The following ECI2 variants were observed in gnomAD, a reference collection of about 807,000 sequenced individuals.
ECI2 encodes D3,D2-enoyl-CoA isomerase.
ECI2 carries 27 observed loss-of-function variants against 38.4 expected under a neutral mutation model. The ratio of observed to expected loss-of-function variants is 0.70; its 90% confidence interval spans 0.52 to 0.97. ECI2 has a LOEUF of 0.97. Ranked by LOEUF, ECI2 falls within the 50% of genes least tolerant of loss-of-function variation. The pLI is 0.00. For synonymous variants in ECI2, 168 were observed against 172.0 expected, an observed-to-expected ratio of 0.98 and a Z score of 0.18; for missense variants, 470 against 474.4, an observed-to-expected ratio of 0.99 and a Z score of 0.09.
chr6:4,124,926 A>T (rs941100716), intron 7 of ECI2: 4 of 452,754 alleles, frequency 8.8e-6, no homozygotes, highest in African/African-American at 7.9e-5. Flanking sequence ...ACCTGCAAAG[A>T]TGCTATTCCT....
Position 4,133,717 on chromosome 6 carries a change from A to C in ECI2, c.51-6T>G. 5 of 1,588,702 alleles carry C rather than the reference A, an allele frequency of 3.1e-6. No individual in the cohort carries two copies. In the African/African-American group the frequency reaches 5.4e-5, roughly 17 times the overall value. The stretch of plus-strand genomic sequence containing the variant: ...AACTAGTGACCTGCAGAGAACTACA[A>C]TTAGGCAGACTGATTTCTATTTGTT... On this transcript the variant is annotated splice_polypyrimidine_tract_variant and splice_region_variant and intron_variant, in intron 1 of 9. Coordinates refer to ENST00000380118, the MANE Select transcript of ECI2 (RefSeq NM_206836.3).
intron 7 of ECI2, among the ~76,000 whole-genome samples, chr6:4,122,647 C>A (rs936481155): frequency 5.3e-5 from 8 of 152,040 alleles, no homozygotes; most frequent in African/African-American, 1.9e-4. Flanking sequence ...AGGCGCCTGC[C>A]ACCACACCTG....
chr6:4,119,253 CT>C lies in ECI2; in HGVS notation c.817del (p.Ser273ValfsTer3). On this transcript the variant is annotated frameshift_variant, in exon 8 of 10. Coordinates refer to ENST00000380118, the MANE Select transcript of ECI2 (RefSeq NM_206836.3). LOFTEE classifies it high-confidence loss of function. Reference protein sequence around the residue: ...SDRATFHTPFSHLGQSPEGCS... With the variant: ...SDRATFHTPFXHLGQSPEGCS... Reference sequence around the variant, plus strand: ...TCCTTCCGGACTTTGGCCTAGGTGACTAAATGGTGTATGAAATGTTGCCTGC... The same window carrying C: ...TCCTTCCGGACTTTGGCCTAGGTGACAAATGGTGTATGAAATGTTGCCTGC... The C allele has an allele frequency of 6.2e-7, 1 of 1,612,878 alleles. No individual in the cohort carries two copies. The highest frequency in any genetic ancestry group is 8.5e-7 in the Non-Finnish European group (1 of 1,179,578).
Position 4,121,059 on chromosome 6 carries a change from A to G in ECI2, c.796-1784T>C, listed in dbSNP as rs573455279. On this transcript the variant is annotated intron_variant, in intron 7 of 9. Transcript: ENST00000380118. ...TTTTCTAGAGTGGTTGTACCATTTG[A>G]CATTCCCACCAGCAATGTATGAAAG... Among the ~76,000 whole-genome samples, 5 of 152,292 alleles carry G rather than the reference A, an allele frequency of 3.3e-5. No homozygotes were observed. The East Asian group carries it at 7.7e-4, about 24-fold the overall frequency.
At chr6:4,123,147 T>TATG (rs1459009853) in intron 7 of ECI2, among the ~76,000 whole-genome samples, 1 of 152,072 alleles carries the variant, frequency 6.6e-6, no homozygotes, top group Non-Finnish European at 1.5e-5. Context: ...GCCTTTTCCT[T>TATG]TAGCATATTT....
chr6:4,118,847 G>A (rs1772459969), intron 8 of ECI2: 1 of 181,450 alleles, frequency 5.5e-6, no homozygotes, highest in Non-Finnish European at 1.2e-5. Flanking sequence ...GGGACCAAGG[G>A]AGGCTGGCAC....
chr6:4,122,015 C>A (rs643232), intron 7 of ECI2: 498,870 of 1,595,614 alleles, frequency 0.31, 79,231 homozygotes, highest in East Asian at 0.38. Context: ...AACTGAGAAA[C>A]CTGCCAACAA....
intron 7 of ECI2, among the ~76,000 whole-genome samples, chr6:4,120,031 G>T (rs184823763): frequency 6.6e-5 from 10 of 152,260 alleles, no homozygotes; most frequent in Admixed American, 5.9e-4. Context: ...GTATTCCTTT[G>T]TATGGATGCA....
At chr6:4,130,311 G>C in intron 4 of ECI2, 61 bp downstream of exon 4, 10 of 1,613,862 alleles carry the variant, frequency 6.2e-6, no homozygotes, top group Non-Finnish European at 8.5e-6. Flanking sequence ...TACAGCTTTT[G>C]TGTGAAACAC....
chr6:4,124,955 T>C (rs1773042078), intron 7 of ECI2: 2 of 498,756 alleles, frequency 4.0e-6, no homozygotes, highest in Non-Finnish European at 7.9e-6. Context: ...TAACAAATTT[T>C]CAAGTGTCTC....
intron 4 of ECI2, 120 bp from the exon 5 acceptor site, chr6:4,127,951 G>A: frequency 1.1e-6 from 1 of 906,394 alleles, no homozygotes; most frequent in East Asian, 2.8e-5. Context: ...CATTTATTTT[G>A]GTTGTATTTT....
chr6:4,125,071 T>A, intron 7 of ECI2, 179 bp downstream of exon 7: 1 of 1,044,298 alleles, frequency 9.6e-7, no homozygotes, highest in South Asian at 1.4e-5. Context: ...TGCAAGTTAA[T>A]AATGAAGGAA....
Position 4,115,711 on chromosome 6 carries a change from T to C in ECI2, c.*163A>G. On this transcript the variant is annotated 3_prime_UTR_variant, in exon 10 of 10. Coordinates refer to ENST00000380118, the MANE Select transcript of ECI2 (RefSeq NM_206836.3). ...ACCTGTGTGAATTCTTAAGCTTGTT[T>C]TACAAAACTTTTTATTCATCAGAGC... 1 of 1,213,170 alleles carries C rather than the reference T, an allele frequency of 8.2e-7. No individual in the cohort carries two copies. The highest frequency in any genetic ancestry group is 1.2e-6 in the Non-Finnish European group (1 of 860,550). The allele number at this position is 1,213,170 out of a possible 1,614,324, so 75.2% of individuals were successfully genotyped here.
intron 8 of ECI2, chr6:4,118,090 G>A (rs1163889891): frequency 6.6e-6 from 1 of 152,250 alleles, no homozygotes; most frequent in Non-Finnish European, 1.5e-5. Context: ...GAGTGCAGAG[G>A]CACGATCTTG....
At position 4,127,648 on chromosome 6, in the gene ECI2, C is replaced by T. The variant is rs539081189; in HGVS notation, c.571+114G>A. On this transcript the variant is annotated intron_variant, in intron 5 of 9. Coordinates refer to ENST00000380118, the MANE Select transcript of ECI2 (RefSeq NM_206836.3). The stretch of plus-strand genomic sequence containing the variant: ...CAGGCTCATCTCAAACTCCTGACCT[C>T]GGGAGCCACCTGCCTCGGCCTCCAG... 36 of 1,001,258 alleles carry T rather than the reference C, an allele frequency of 3.6e-5. No individual in the cohort carries two copies. In the Admixed American group the frequency reaches 7.5e-4, roughly 21 times the overall value. 62.0% of individuals were successfully genotyped at this position (1,001,258 alleles called of 1,614,324 possible). A position where few individuals can be genotyped will look rare whatever the true frequency, so the allele number is the denominator to read the frequency against.
At position 4,133,667 on chromosome 6, in the gene ECI2, T is replaced by C. The variant is rs781213152; in HGVS notation, c.95A>G (p.Asn32Ser). Reference protein sequence around the residue: ...TSFPVVQLHMNRTAMRASQKD... With the variant: ...TSFPVVQLHMSRTAMRASQKD... ...CTGACTGGCTCTCATTGCTGTTCTA[T>C]TCATGTGCAGCTGAACTACCGGGAA... Residue 32 changes from asparagine to serine, a missense_variant, in exon 2 of 10, where the codon AAT becomes AGT. By Grantham distance (46) the Asn-to-Ser change is conservative. Coordinates refer to ENST00000380118, the MANE Select transcript of ECI2 (RefSeq NM_206836.3). 5.6e-6 allele frequency: 9 copies of C among 1,613,446 alleles called. No homozygotes were observed. The highest frequency in any genetic ancestry group is 6.8e-6 in the Non-Finnish European group (8 of 1,179,810).
intron 2 of ECI2, 119 bp from the exon 3 acceptor site, chr6:4,130,984 T>C: frequency 1.1e-6 from 1 of 891,004 alleles, no homozygotes; most frequent in Middle Eastern, 3.4e-4. Flanking sequence ...TCACAGGGTA[T>C]GTAAATTGAT....
Position 4,115,907 on chromosome 6 carries a change from C to T in ECI2, c.1152G>A (p.Val384=). Residue 384 remains valine (V), a synonymous_variant, in exon 10 of 10, where the codon GTG becomes GTA. Coordinates refer to ENST00000380118, the MANE Select transcript of ECI2 (RefSeq NM_206836.3). ...TTGATTTTCTGGATAAGAAGTTCAC[C>T]ACAGCATTTGTGCATTCATCTGATA... ...RWLSDECTNA[V]VNFLSRKSKL is the part of the protein sequence containing the mutation. 1 of 1,613,972 alleles carries T rather than the reference C, an allele frequency of 6.2e-7. No individual in the cohort carries two copies. The highest frequency in any genetic ancestry group is 8.5e-7 in the Non-Finnish European group (1 of 1,179,936).
intron 7 of ECI2, among the ~76,000 whole-genome samples, chr6:4,122,977 A>T (rs987979431): frequency 1.3e-5 from 2 of 152,248 alleles, no homozygotes; most frequent in Non-Finnish European, 2.9e-5. Flanking sequence ...ATTTGCTGAC[A>T]GAGCTAATAG....
Sources: allele counts gnomAD v4.1 joint callset (sites outside exome capture counted in the v4.1 genomes callset), GRCh38; gene constraint gnomAD v4.1.1; transcripts MANE v1.5; gene names NCBI Gene and HGNC (gene_info 2026-07-23, HGNC 2026-07-21).